POTEJ: variants seen among roughly 807,000 people sequenced by gnomAD.
POTEJ encodes the protein POTE ankyrin domain family member J, also known as POTE ankyrin domain family, member J.
In POTEJ, 11 loss-of-function variants were observed where a neutral mutation model predicts 69.0. The observed-to-expected ratio is 0.16, with a 90% CI of 0.10 to 0.26. The LOEUF is 0.26. POTEJ is among the 10% of genes least tolerant of loss of function. The pLI is 1.00. For synonymous variants in POTEJ, 117 were observed against 381.1 expected (o/e 0.31, Z 8.07); for missense variants, 327 against 1,045.5 (o/e 0.31, Z 9.48).
At chr2:130,640,257 G>A (rs2105239417) in intron 10 of POTEJ, among the ~76,000 whole-genome samples, 1 of 142,650 alleles carries the variant, frequency 7.0e-6, no homozygotes, top group East Asian at 1.9e-4. Flanking sequence ...AGATGCTTGA[G>A]TGAACATGGC....
intron 5 of POTEJ, among the ~76,000 whole-genome samples, 171 bp from the exon 6 acceptor site, chr2:130,623,893 A>C (rs1482264743): frequency 1.6e-5 from 2 of 127,908 alleles, no homozygotes; most frequent in Non-Finnish European, 3.2e-5. Context: ...TTCGTCTTTA[A>C]TTAGAAGCTT....
At position 130,623,998 on chromosome 2, in the gene POTEJ, G is replaced by A. The variant is rs573328321; in HGVS notation, c.945-66G>A. ...TGTTTGAAATACTCTTAATAATTCT[G>A]CATTTGGTAAGATTTTTATATCAGT... On this transcript the variant is annotated intron_variant, in intron 5 of 14. Coordinates refer to ENST00000409602, the MANE Select transcript of POTEJ (RefSeq NM_001277083.2). 48 of 1,469,630 alleles carry A rather than the reference G, an allele frequency of 3.3e-5. 1 individual carries two copies. Among genetic ancestry groups the A allele is most frequent in the Middle Eastern group, 2.5e-4 (1 of 3,980 alleles). The allele number at this position is 1,469,630 out of a possible 1,614,324, so 91.0% of individuals were successfully genotyped here.
intron 3 of POTEJ, among the ~76,000 whole-genome samples, 163 bp from the exon 4 acceptor site, chr2:130,619,882 G>C (rs1368263179): frequency 2.6e-4 from 40 of 151,152 alleles, no homozygotes; most frequent in African/African-American, 9.4e-4. Context: ...TCCAAGGGAA[G>C]GAGCAGCGTG....
At chr2:130,624,577 A>G in intron 6 of POTEJ, among the ~76,000 whole-genome samples, 1 of 152,088 alleles carries the variant, frequency 6.6e-6, no homozygotes, top group Non-Finnish European at 1.5e-5. Flanking sequence ...GAGTGGCTGT[A>G]AATACAGATG....
chr2:130,631,960 G>C (rs1217143038), intron 8 of POTEJ, among the ~76,000 whole-genome samples: 2 of 143,422 alleles, frequency 1.4e-5, no homozygotes, highest in Non-Finnish European at 1.5e-5. Flanking sequence ...TGATATCTCA[G>C]CAACCAAATG....
chr2:130,625,841 C>T (rs1685685869), intron 6 of POTEJ, among the ~76,000 whole-genome samples: 2 of 134,878 alleles, frequency 1.5e-5, no homozygotes, highest in African/African-American at 6.3e-5. Context: ...TAGGTCTTAT[C>T]CTGTGTGCCA....
At chr2:130,640,995 C>T (rs1360137515) in intron 10 of POTEJ, among the ~76,000 whole-genome samples, 4 of 151,832 alleles carry the variant, frequency 2.6e-5, no homozygotes, top group South Asian at 4.1e-4. Context: ...GGTTAGCAGG[C>T]TTTTTCTTTA....
intron 6 of POTEJ, among the ~76,000 whole-genome samples, chr2:130,626,581 A>G (rs1421407641): frequency 1.3e-4 from 20 of 152,080 alleles, no homozygotes; most frequent in African/African-American, 4.8e-4. Context: ...GAGCTCCTAT[A>G]AAACTTTATT....
intron 13 of POTEJ, among the ~76,000 whole-genome samples, chr2:130,648,794 T>TG (rs1686690645): frequency 9.2e-6 from 1 of 108,484 alleles, no homozygotes; most frequent in Non-Finnish European, 1.9e-5. Flanking sequence ...TTTTTTTTTT[T>TG]TTTTTTTTTT....
chr2:130,638,047 A>G (rs963083121), intron 9 of POTEJ, among the ~76,000 whole-genome samples: 1 of 148,422 alleles, frequency 6.7e-6, no homozygotes, highest in African/African-American at 2.5e-5. Context: ...CAAAATTAGG[A>G]CTTAATAACG....
chr2:130,616,271 T>C (rs1685402727), intron 1 of POTEJ, among the ~76,000 whole-genome samples: 1 of 131,180 alleles, frequency 7.6e-6, no homozygotes, highest in East Asian at 2.0e-4. Context: ...CAATGTTAGC[T>C]GTAATATTTA....
At position 130,643,653 on chromosome 2, in the gene POTEJ, G is replaced by C. The variant is rs1027900326; in HGVS notation, c.1370-330G>C. 1.9e-4 allele frequency among the ~76,000 whole-genome samples: 26 copies of C among 139,460 alleles called. 4 individuals are homozygous for C. The highest frequency in any genetic ancestry group is 2.9e-4 in the Non-Finnish European group (18 of 62,116). The allele number at this position is 139,460 out of a possible 152,430, so 91.5% of individuals were successfully genotyped here. On this transcript the variant is annotated intron_variant, in intron 10 of 14. Transcript: ENST00000409602. ...GAAATCATTTATAAGGTACTATTAG[G>C]AAGTGGAGAACAGTACACTGTGTCA...
intron 8 of POTEJ, among the ~76,000 whole-genome samples, chr2:130,632,228 G>A (rs1163101962): frequency 1.0e-4 from 15 of 150,722 alleles, no homozygotes; most frequent in African/African-American, 3.7e-4. Flanking sequence ...ATGAAGGAGG[G>A]CCCTTTTTGA....
intron 6 of POTEJ, among the ~76,000 whole-genome samples, chr2:130,628,777 T>C (rs1404978028): frequency 1.3e-5 from 2 of 149,570 alleles, no homozygotes; most frequent in Non-Finnish European, 3.0e-5. Context: ...ATCCCAGCAT[T>C]TTGGGAGGCT....
At chr2:130,639,316 A>G (rs1346143986) in intron 10 of POTEJ, among the ~76,000 whole-genome samples, 3 of 152,312 alleles carry the variant, frequency 2.0e-5, no homozygotes, top group Admixed American at 6.5e-5. Flanking sequence ...AGAACAGTGA[A>G]GCACAGGTCA....
intron 13 of POTEJ, among the ~76,000 whole-genome samples, chr2:130,651,094 TA>T (rs1403761000): frequency 4.0e-5 from 2 of 49,616 alleles, no homozygotes; most frequent in East Asian, 7.5e-4. Flanking sequence ...ACTAGTATTT[TA>T]TTTTTTTTAG....
chr2:130,633,859 C>T (rs1292176300), intron 9 of POTEJ, among the ~76,000 whole-genome samples: 1 of 146,438 alleles, frequency 6.8e-6, no homozygotes, highest in Non-Finnish European at 1.5e-5. Context: ...AGGAGTTGGC[C>T]AGCTTTTTCT....
rs1298497950 is a variant in POTEJ, at chr2:130,643,532, GAAA to G, written c.1370-446_1370-444del. ...CCCTGACTCATTAAAAAAAAAAAAAGAAAAAAAGAAAATAAATTTGTCAGAATA... is the reference window on the plus strand; with the variant it reads ...CCCTGACTCATTAAAAAAAAAAAAAGAAAAGAAAATAAATTTGTCAGAATA... On this transcript the variant is annotated intron_variant, in intron 10 of 14. Transcript: ENST00000409602. Among the ~76,000 whole-genome samples, 4 of 140,394 alleles carry G rather than the reference GAAA, an allele frequency of 2.8e-5. 2 individuals are homozygous for G. The highest frequency in any genetic ancestry group is 6.3e-5 in the Non-Finnish European group (4 of 63,386). The allele number at this position is 140,394 out of a possible 152,430, so 92.1% of individuals were successfully genotyped here.
At position 130,657,500 on chromosome 2, in the gene POTEJ, A is replaced by C. The variant is rs756689031; in HGVS notation, c.2740A>C (p.Ser914Arg). Residue 914 changes from serine to arginine, a missense_variant, in exon 15 of 15, where the codon AGC becomes CGC. Transcript: ENST00000409602. ...GCCCGATGGCCAGGTCATCACCATC[A>C]GCAACGAGTGGTTCCGCTGCCCCGA... ...ELPDGQVITISNEWFRCPEAL... is the reference protein window; with the variant it reads ...ELPDGQVITIRNEWFRCPEAL... 3.8e-6 allele frequency: 6 copies of C among 1,569,286 alleles called. No homozygotes were observed. The highest frequency in any genetic ancestry group is 2.2e-5 in the South Asian group (2 of 90,234).
Sources: allele counts gnomAD v4.1 joint callset (sites outside exome capture counted in the v4.1 genomes callset), GRCh38; gene constraint gnomAD v4.1.1; transcripts MANE v1.5; gene names NCBI Gene and HGNC (gene_info 2026-07-23, HGNC 2026-07-21).